CSMD3: variants seen among roughly 807,000 people sequenced by gnomAD.
CSMD3 encodes CUB and sushi domain-containing protein 3.
Under a neutral mutation model 435.2 loss-of-function variants are expected in CSMD3, and 177 were observed. The ratio of observed to expected loss-of-function variants is 0.41; its 90% CI spans 0.36 to 0.46. The LOEUF (loss-of-function observed/expected upper bound fraction) is 0.46, where lower values mean the gene tolerates loss of function less well. Ranked by LOEUF, CSMD3 falls within the 20% of genes least tolerant of loss-of-function variation. The pLI is 0.34. For synonymous variants in CSMD3, 1,656 were observed against 1,520.5 expected (o/e 1.09, Z -2.07); for missense variants, 4,265 against 4,504.6 (o/e 0.95, Z 1.52).
chr8:112,860,559 T>A (rs966610901), intron 10 of CSMD3, among the ~76,000 whole-genome samples: 5 of 151,756 alleles, frequency 3.3e-5, no homozygotes, highest in Admixed American at 2.6e-4. Context: ...TCAGTCTGAT[T>A]CTCATTCTCA....
rs1554618985 is a variant in CSMD3, at chr8:113,355,770, G to GGGGT, written c.179-40978_179-40977insACCC. On this transcript the variant is annotated intron_variant, in intron 1 of 70. Coordinates refer to ENST00000297405, the MANE Select transcript of CSMD3 (RefSeq NM_198123.2). ...TATATACACACACACACACACACGGGGTGTGTGTGTGTGTGTGTGTGTGTT... is the reference window on the plus strand; with the variant it reads ...TATATACACACACACACACACACGGGGGGTGTGTGTGTGTGTGTGTGTGTGTGTT... Among the ~76,000 whole-genome samples, 34 of 10,366 alleles carry GGGGT rather than the reference G, an allele frequency of 3.3e-3. No individual in the cohort carries two copies. In the South Asian group the frequency reaches 0.087, roughly 26 times the overall value. The allele number at this position is 10,366 out of a possible 152,430, so 6.8% of individuals were successfully genotyped here. A position where few individuals can be genotyped will look rare whatever the true frequency, so the allele number is the denominator to read the frequency against.
intron 6 of CSMD3, among the ~76,000 whole-genome samples, chr8:113,017,099 C>T (rs946739821): frequency 2.6e-5 from 4 of 151,874 alleles, no homozygotes; most frequent in South Asian, 2.1e-4. Flanking sequence ...TCTGTTATAT[C>T]GATATAAATC....
At chr8:113,275,108 T>C (rs905989340) in intron 3 of CSMD3, among the ~76,000 whole-genome samples, 1 of 152,264 alleles carries the variant, frequency 6.6e-6, no homozygotes, top group East Asian at 1.9e-4. Context: ...GTAATTCATA[T>C]GTATAGACTG....
intron 1 of CSMD3, among the ~76,000 whole-genome samples, chr8:113,407,020 G>A (rs1408087776): frequency 6.6e-6 from 1 of 152,064 alleles, no homozygotes; most frequent in Non-Finnish European, 1.5e-5. Context: ...GACACATGTT[G>A]TGTTTACCAA....
intron 4 of CSMD3, among the ~76,000 whole-genome samples, chr8:113,146,833 G>T (rs2091686025): frequency 6.6e-6 from 1 of 151,598 alleles, no homozygotes; most frequent in South Asian, 2.1e-4. Flanking sequence ...AGATTATGAA[G>T]TCTCCAGAAA....
In CSMD3 at chr8:113,023,919, T is replaced by C. The variant is rs139255126; in HGVS notation, c.918-4740A>G. ...ACCTCAAACATTTATGATTTCTTTGTAGTAGGAAATTCAAAATCCTCTCTT... is the reference window on the plus strand; with the variant it reads ...ACCTCAAACATTTATGATTTCTTTGCAGTAGGAAATTCAAAATCCTCTCTT... On this transcript the variant is annotated intron_variant, in intron 5 of 70. Transcript: ENST00000297405. 6.6e-5 allele frequency among the ~76,000 whole-genome samples: 10 copies of C among 152,266 alleles called. No homozygotes were observed. The East Asian group carries it at 1.9e-3, about 29-fold the overall frequency.
At chr8:112,882,485 C>T (rs952103484) in intron 10 of CSMD3, among the ~76,000 whole-genome samples, 1 of 151,910 alleles carries the variant, frequency 6.6e-6, no homozygotes, top group Non-Finnish European at 1.5e-5. Flanking sequence ...AGGAATGTGT[C>T]CCCTTATTTC....
At chr8:112,474,638 C>T (rs1019938245) in intron 31 of CSMD3, among the ~76,000 whole-genome samples, 2 of 152,014 alleles carry the variant, frequency 1.3e-5, no homozygotes, top group Non-Finnish European at 2.9e-5. Context: ...AAGTTAATGC[C>T]TGATTTTCCT....
chr8:112,296,020 T>A lies in CSMD3; in HGVS notation c.8441-14A>T, dbSNP rs1820226491. ...CACAATGACCCGCTGAAATACGTTA[T>A]AAAGTAATATTTTTAATACTGTGAT... is the stretch of plus-strand genomic sequence containing the variant. On this transcript the variant is annotated splice_polypyrimidine_tract_variant and intron_variant, in intron 53 of 70. Transcript: ENST00000297405. 1 of 1,593,720 alleles carries A rather than the reference T, an allele frequency of 6.3e-7. No individual in the cohort carries two copies. Among genetic ancestry groups the A allele is most frequent in the Non-Finnish European group, 8.6e-7 (1 of 1,162,412 alleles).
chr8:112,397,766 A>T (rs1049440143), intron 35 of CSMD3, among the ~76,000 whole-genome samples: 1 of 152,152 alleles, frequency 6.6e-6, no homozygotes, highest in African/African-American at 2.4e-5. Context: ...ATGGGTTAGG[A>T]TTCTAACATA....
intron 13 of CSMD3, among the ~76,000 whole-genome samples, chr8:112,758,723 G>T (rs1256869831): frequency 6.6e-6 from 1 of 152,086 alleles, no homozygotes; most frequent in African/African-American, 2.4e-5. Flanking sequence ...ATGCTAAACA[G>T]AAAATAATAA....
Position 113,138,810 on chromosome 8 carries a change from A to AGTGTGTGTGTGT in CSMD3, c.709+34900_709+34911dup, listed in dbSNP as rs34755068. ...AGTCGTTCTCAGAACTAAACGTGTTAGTGTGTGTGTGTGTGTGTGTGTGTG... is the reference window on the plus strand; with the variant it reads ...AGTCGTTCTCAGAACTAAACGTGTTAGTGTGTGTGTGTGTGTGTGTGTGTGTGTGTGTGTGTG... On this transcript the variant is annotated intron_variant, in intron 4 of 70. Coordinates refer to ENST00000297405, the MANE Select transcript of CSMD3 (RefSeq NM_198123.2). 8.0e-3 allele frequency among the ~76,000 whole-genome samples: 1,169 copies of AGTGTGTGTGTGT among 145,722 alleles called. 12 individuals carry two copies. The highest frequency in any genetic ancestry group is 0.028 in the African/African-American group (1,115 of 39,958).
intron 8 of CSMD3, among the ~76,000 whole-genome samples, chr8:112,954,196 T>A (rs1341749103): frequency 6.6e-6 from 1 of 151,576 alleles, no homozygotes; most frequent in Non-Finnish European, 1.5e-5. Flanking sequence ...AATCATTTTA[T>A]AAAATATTTG....
chr8:113,407,549 C>T (rs985274338), intron 1 of CSMD3, among the ~76,000 whole-genome samples: 20 of 151,888 alleles, frequency 1.3e-4, no homozygotes, highest in African/African-American at 4.1e-4. Flanking sequence ...GAGATACATA[C>T]ATACACACAC....
At chr8:112,942,778 G>A (rs1213670376) in intron 9 of CSMD3, among the ~76,000 whole-genome samples, 2 of 151,814 alleles carry the variant, frequency 1.3e-5, no homozygotes, top group South Asian at 4.2e-4. Flanking sequence ...TATTACCTGG[G>A]TGACAAAAAA....
At chr8:112,892,811 C>G (rs1054722205) in intron 10 of CSMD3, among the ~76,000 whole-genome samples, 3 of 151,328 alleles carry the variant, frequency 2.0e-5, no homozygotes, top group Non-Finnish European at 4.4e-5. Context: ...CAATTTTTCT[C>G]TATTCCTAGT....
intron 32 of CSMD3, among the ~76,000 whole-genome samples, chr8:112,414,763 G>C (rs1373708742): frequency 6.6e-6 from 1 of 152,154 alleles, no homozygotes; most frequent in African/African-American, 2.4e-5. Flanking sequence ...TATGGACAAC[G>C]AAGTCCAGAC....
intron 3 of CSMD3, among the ~76,000 whole-genome samples, chr8:113,268,022 T>C (rs1422923301): frequency 6.6e-6 from 1 of 151,780 alleles, no homozygotes; most frequent in Admixed American, 6.6e-5. Context: ...GCTTGAACTA[T>C]ATTACCATAT....
chr8:112,718,002 G>C (rs4876490), intron 13 of CSMD3, among the ~76,000 whole-genome samples: 118,247 of 151,884 alleles, frequency 0.78, 46,567 homozygotes, highest in African/African-American at 0.88. Flanking sequence ...ATAGGTGCAG[G>C]AAGCCACCAT....
Sources: gnomAD v4.1 joint callset for allele counts (sites outside exome capture counted in the v4.1 genomes callset) on GRCh38, gnomAD v4.1.1 for gene constraint, MANE v1.5 for transcripts, NCBI Gene and HGNC (gene_info 2026-07-23, HGNC 2026-07-21) for gene names.